ZFAND3: variants seen among roughly 807,000 people sequenced by gnomAD.
ZFAND3 encodes the protein AN1-type zinc finger protein 3.
ZFAND3 carries 10 observed loss-of-function variants against 29.6 expected under a neutral mutation model. The ratio of observed to expected loss-of-function variants is 0.34; its 90% CI spans 0.21 to 0.57. The LOEUF (loss-of-function observed/expected upper bound fraction) is 0.57. ZFAND3 is among the 20% of genes least tolerant of loss of function. ZFAND3 has a pLI of 0.86. For missense variants in ZFAND3, 230 were observed against 304.5 expected, an observed-to-expected ratio of 0.76 and a Z score of 1.82; for synonymous variants, 128 against 112.6, an observed-to-expected ratio of 1.14 and a Z score of -0.87.
At chr6:37,988,241 A>G (rs1194807777) in intron 2 of ZFAND3, among the ~76,000 whole-genome samples, 1 of 152,232 alleles carries the variant, frequency 6.6e-6, no homozygotes, top group Non-Finnish European at 1.5e-5. Context: ...TTTCCTCACA[A>G]CTGTGGAAGC....
At chr6:38,132,219 T>G (rs1371919573) in intron 5 of ZFAND3, among the ~76,000 whole-genome samples, 1 of 152,140 alleles carries the variant, frequency 6.6e-6, no homozygotes, top group African/African-American at 2.4e-5. Context: ...ATGAATAAGA[T>G]GGGTTCTGTG....
chr6:38,058,596 C>T (rs1048245862), intron 2 of ZFAND3, among the ~76,000 whole-genome samples: 2 of 152,188 alleles, frequency 1.3e-5, no homozygotes, highest in Admixed American at 1.3e-4. Flanking sequence ...ACATTCATTG[C>T]ACTCACTAGT....
At chr6:38,094,332 A>G (rs1229303065) in intron 4 of ZFAND3, among the ~76,000 whole-genome samples, 1 of 152,206 alleles carries the variant, frequency 6.6e-6, no homozygotes, top group East Asian at 1.9e-4. Flanking sequence ...TCCAGAAGAA[A>G]AAAAAAAAGC....
chr6:37,839,487 TTTTTTTA>T lies in ZFAND3; in HGVS notation c.71+19485_71+19491del, dbSNP rs752511339. On this transcript the variant is annotated intron_variant, in intron 1 of 5. Transcript: ENST00000287218. ...GTGAGCCACCGTGCCCGGCCAGTTA[TTTTTTTA>T]TTTTTTATTTTTTGTTGTTGTTGTT... is the stretch of plus-strand genomic sequence containing the variant. 1.2e-3 allele frequency among the ~76,000 whole-genome samples: 173 copies of T among 149,252 alleles called. 1 individual carries two copies. The highest frequency in any genetic ancestry group is 3.6e-3 in the Middle Eastern group (1 of 274).
At chr6:38,101,965 C>T (rs959124703) in intron 4 of ZFAND3, among the ~76,000 whole-genome samples, 23 of 152,040 alleles carry the variant, frequency 1.5e-4, no homozygotes, top group African/African-American at 5.3e-4. Flanking sequence ...AAAATATAAA[C>T]GTTCAAACAT....
At chr6:37,974,337 T>C (rs1455003161) in intron 2 of ZFAND3, among the ~76,000 whole-genome samples, 1 of 151,402 alleles carries the variant, frequency 6.6e-6, no homozygotes, top group Non-Finnish European at 1.5e-5. Flanking sequence ...ACTGCTGGGA[T>C]TACAGGCGTG....
chr6:38,110,255 T>C (rs556159875), intron 4 of ZFAND3, among the ~76,000 whole-genome samples: 2 of 152,288 alleles, frequency 1.3e-5, no homozygotes, highest in Admixed American at 1.3e-4. Context: ...TTTAGGGTCA[T>C]TGGGAACATT....
chr6:37,917,277 C>T (rs772139088), intron 1 of ZFAND3, among the ~76,000 whole-genome samples: 2 of 152,108 alleles, frequency 1.3e-5, no homozygotes, highest in African/African-American at 2.4e-5. Flanking sequence ...GGTCATTGGT[C>T]TCAGTAGCTC....
intron 2 of ZFAND3, among the ~76,000 whole-genome samples, chr6:37,942,473 A>G (rs1761828505): frequency 6.6e-6 from 1 of 152,132 alleles, no homozygotes. Flanking sequence ...GAATTTGTTC[A>G]TGTTTAGGAA....
intron 4 of ZFAND3, among the ~76,000 whole-genome samples, chr6:38,095,032 C>G (rs1764949767): frequency 6.6e-6 from 1 of 152,068 alleles, no homozygotes; most frequent in Non-Finnish European, 1.5e-5. Flanking sequence ...CAGGCTGTAA[C>G]CAGAAGCAAA....
rs929609980 is a variant in ZFAND3 at position 37,913,803 on chromosome 6, C to T, written c.72-16156C>T. Among the ~76,000 whole-genome samples, 21 of 150,730 alleles carry T rather than the reference C, an allele frequency of 1.4e-4. 1 individual carries two copies. The highest frequency in any genetic ancestry group is 4.4e-4 in the African/African-American group (18 of 40,970). On this transcript the variant is annotated intron_variant, in intron 1 of 5. Coordinates refer to ENST00000287218, the MANE Select transcript of ZFAND3 (RefSeq NM_021943.3). ...TTGACTCACTGCAACCTCCGCCTCC[C>T]GGGTTTAAGCGATTCTCCTGCCTCA...
intron 1 of ZFAND3, among the ~76,000 whole-genome samples, chr6:37,838,034 G>GGA (rs1429422344): frequency 6.6e-6 from 1 of 152,114 alleles, no homozygotes; most frequent in African/African-American, 2.4e-5. Context: ...GGACTGACAG[G>GGA]GAGACCCAGG....
At chr6:37,845,280 T>C (rs1347089071) in intron 1 of ZFAND3, among the ~76,000 whole-genome samples, 2 of 152,134 alleles carry the variant, frequency 1.3e-5, no homozygotes, top group Admixed American at 1.3e-4. Context: ...CAGACAGCAG[T>C]CATTTTTAGG....
At chr6:38,055,841 G>C (rs1173384691) in intron 2 of ZFAND3, among the ~76,000 whole-genome samples, 2 of 152,210 alleles carry the variant, frequency 1.3e-5, no homozygotes, top group Non-Finnish European at 2.9e-5. Context: ...AAGGTTTAAA[G>C]TAACAATTGA....
intron 2 of ZFAND3, among the ~76,000 whole-genome samples, chr6:38,045,709 A>C (rs892235165): frequency 6.6e-6 from 1 of 152,238 alleles, no homozygotes; most frequent in African/African-American, 2.4e-5. Flanking sequence ...TGAGTAAAAA[A>C]TATCATATAT....
At chr6:37,963,092 A>T (rs1326523682) in intron 2 of ZFAND3, among the ~76,000 whole-genome samples, 1 of 152,136 alleles carries the variant, frequency 6.6e-6, no homozygotes, top group East Asian at 1.9e-4. Flanking sequence ...CTCTGGACAC[A>T]CCATCTTTAT....
intron 4 of ZFAND3, among the ~76,000 whole-genome samples, chr6:38,085,196 A>C (rs1764733338): frequency 1.3e-5 from 2 of 152,208 alleles, no homozygotes; most frequent in Non-Finnish European, 2.9e-5. Flanking sequence ...TATCTATGAC[A>C]TGTGCTGTAC....
chr6:37,932,085 A>T lies in ZFAND3; in HGVS notation c.112+2086A>T, dbSNP rs906053783. On this transcript the variant is annotated intron_variant, in intron 2 of 5. Coordinates refer to ENST00000287218, the MANE Select transcript of ZFAND3 (RefSeq NM_021943.3). ...GGAGAGCGAGACCATCCTGGCCAAC[A>T]TGGCGAAACCCCGTCTCTACTAAAA... Among the ~76,000 whole-genome samples the T allele has an allele frequency of 5.3e-5, 8 of 152,152 alleles. No homozygotes were observed. In the East Asian group the frequency reaches 1.3e-3, roughly 26 times the overall value.
At chr6:38,091,181 T>C (rs1165974426) in intron 4 of ZFAND3, among the ~76,000 whole-genome samples, 1 of 152,238 alleles carries the variant, frequency 6.6e-6, no homozygotes, top group Non-Finnish European at 1.5e-5. Context: ...GGCTTGTTGC[T>C]CTTTTGGAGA....
Sources: gnomAD v4.1 joint callset for allele counts (sites outside exome capture counted in the v4.1 genomes callset) on GRCh38, gnomAD v4.1.1 for gene constraint, MANE v1.5 for transcripts, NCBI Gene and HGNC (gene_info 2026-07-23, HGNC 2026-07-21) for gene names.